Variants in ADAMTSL3 observed in about 807,000 individuals in gnomAD.
The protein encoded by ADAMTSL3 is ADAMTS-like protein 3.
Under a neutral mutation model 201.7 loss-of-function variants are expected in ADAMTSL3, and 128 were observed. That is an observed-to-expected ratio of 0.63 (90% CI 0.55 to 0.73). The LOEUF (loss-of-function observed/expected upper bound fraction) is 0.73. Among genes scored for constraint, ADAMTSL3 ranks in the 30% least tolerant of loss-of-function variants. The probability of loss-of-function intolerance (pLI) is 0.00; values close to 1 mark genes in which losing one functional copy is unlikely to be tolerated. For missense variants in ADAMTSL3, 1,990 were observed against 2,119.6 expected (o/e 0.94, Z 1.20); for synonymous variants, 738 against 748.4 (o/e 0.99, Z 0.23).
At chr15:83,717,896 A>G (rs1387535006) in intron 3 of ADAMTSL3, among the ~76,000 whole-genome samples, 4 of 152,186 alleles carry the variant, frequency 2.6e-5, no homozygotes, top group African/African-American at 7.2e-5. Flanking sequence ...TGCTGTTATG[A>G]GACTGCTGTG....
intron 19 of ADAMTSL3, among the ~76,000 whole-genome samples, chr15:83,949,046 G>T (rs563705780): frequency 6.6e-6 from 1 of 152,008 alleles, no homozygotes; most frequent in Non-Finnish European, 1.5e-5. Context: ...TTTTAAAAAT[G>T]CAATTGAATT....
intron 20 of ADAMTSL3, among the ~76,000 whole-genome samples, chr15:83,973,819 A>G (rs1410766970): frequency 6.6e-6 from 1 of 152,222 alleles, no homozygotes; most frequent in African/African-American, 2.4e-5. Context: ...GGGTCCGTAG[A>G]CAAGAAAATC....
At chr15:83,814,200 T>C (rs1329102942) in intron 5 of ADAMTSL3, among the ~76,000 whole-genome samples, 1 of 152,166 alleles carries the variant, frequency 6.6e-6, no homozygotes, top group Admixed American at 6.5e-5. Flanking sequence ...TCAGTATTTC[T>C]CTTGAAGGTG....
At chr15:83,677,114 A>G (rs1005914741) in intron 2 of ADAMTSL3, among the ~76,000 whole-genome samples, 2 of 152,140 alleles carry the variant, frequency 1.3e-5, no homozygotes, top group African/African-American at 4.8e-5. Context: ...TTCTAGTTTT[A>G]TTCCATTGTG....
intron 17 of ADAMTSL3, among the ~76,000 whole-genome samples, chr15:83,942,317 T>C (rs2066575535): frequency 6.6e-6 from 1 of 152,240 alleles, no homozygotes; most frequent in Admixed American, 6.5e-5. Flanking sequence ...ATTTTTGATA[T>C]ATAGTGGTAG....
intron 3 of ADAMTSL3, among the ~76,000 whole-genome samples, chr15:83,764,055 G>C (rs1484607133): frequency 1.3e-5 from 2 of 152,210 alleles, no homozygotes; most frequent in Non-Finnish European, 2.9e-5. Context: ...AGAAGCCTGG[G>C]AGTCATCCTA....
At position 83,872,903 on chromosome 15, in the gene ADAMTSL3, A is replaced by T. The variant is rs969619856; in HGVS notation, c.960+1944A>T. 5.5e-5 allele frequency among the ~76,000 whole-genome samples: 8 copies of T among 145,930 alleles called. 2 individuals carry two copies. The highest frequency in any genetic ancestry group is 2.1e-4 in the African/African-American group (8 of 38,244). On this transcript the variant is annotated intron_variant, in intron 9 of 29. Coordinates refer to ENST00000286744, the MANE Select transcript of ADAMTSL3 (RefSeq NM_207517.3). Reference sequence around the variant, plus strand: ...CACGTATATGTATATGTATATTTTTAAAAATAATTTGGAAGGATACATTTC... The same window carrying T: ...CACGTATATGTATATGTATATTTTTTAAAATAATTTGGAAGGATACATTTC...
chr15:83,761,241 A>G (rs534416090), intron 3 of ADAMTSL3, among the ~76,000 whole-genome samples: 4 of 152,080 alleles, frequency 2.6e-5, no homozygotes, highest in South Asian at 2.1e-4. Flanking sequence ...GGACCTTAGG[A>G]TACTTTAAGG....
At chr15:83,867,894 T>C (rs1053065202) in intron 8 of ADAMTSL3, among the ~76,000 whole-genome samples, 1 of 152,220 alleles carries the variant, frequency 6.6e-6, no homozygotes, top group Admixed American at 6.5e-5. Flanking sequence ...TAATTTCTTT[T>C]ACAAATAACT....
chr15:83,728,877 A>G (rs2062222801), intron 3 of ADAMTSL3, among the ~76,000 whole-genome samples: 1 of 151,970 alleles, frequency 6.6e-6, no homozygotes, highest in Non-Finnish European at 1.5e-5. Flanking sequence ...CTTATTTCTC[A>G]TTAAAGTCTT....
At chr15:84,037,583 A>T in intron 29 of ADAMTSL3, 117 bp from the exon 30 acceptor site, 2 of 1,181,762 alleles carry the variant, frequency 1.7e-6, no homozygotes, top group Non-Finnish European at 2.3e-6. Context: ...CCTAACCCAA[A>T]GCTGGTTTCT....
At chr15:83,998,028 G>T (rs975300871) in intron 23 of ADAMTSL3, among the ~76,000 whole-genome samples, 2 of 130,702 alleles carry the variant, frequency 1.5e-5, no homozygotes, top group African/African-American at 5.7e-5. Flanking sequence ...AATCTAGGAA[G>T]AAAAAAAAAA....
chr15:83,968,527 G>C (rs554827270), intron 19 of ADAMTSL3, among the ~76,000 whole-genome samples: 20 of 152,240 alleles, frequency 1.3e-4, no homozygotes, highest in Non-Finnish European at 2.5e-4. Context: ...TGCTGGAGAG[G>C]ATATGGAGAA....
chr15:83,881,657 C>T (rs1328871733), intron 9 of ADAMTSL3, among the ~76,000 whole-genome samples: 2 of 149,952 alleles, frequency 1.3e-5, no homozygotes, highest in African/African-American at 2.5e-5. Flanking sequence ...GAGTTTGAGA[C>T]CAGCCTAGCT....
Position 83,912,522 on chromosome 15 carries a change from A to G in ADAMTSL3, c.1701-570A>G, listed in dbSNP as rs78341684. Among the ~76,000 whole-genome samples, 1,452 of 152,306 alleles carry G rather than the reference A, an allele frequency of 9.5e-3. 24 individuals carry two copies. The highest frequency in any genetic ancestry group is 0.033 in the African/African-American group (1,390 of 41,568). Reference sequence around the variant, plus strand: ...AGAATTAAATGCTTTGTTCAGCAAGATTGTGCAATATTTCTTTTGTTTTGA... The same window carrying G: ...AGAATTAAATGCTTTGTTCAGCAAGGTTGTGCAATATTTCTTTTGTTTTGA... On this transcript the variant is annotated intron_variant, in intron 15 of 29. Transcript: ENST00000286744.
At chr15:83,947,617 T>A (rs1273996042) in intron 19 of ADAMTSL3, among the ~76,000 whole-genome samples, 2 of 152,248 alleles carry the variant, frequency 1.3e-5, no homozygotes, top group African/African-American at 4.8e-5. Context: ...ATGGAACATT[T>A]GATTATTTTG....
chr15:84,008,451 A>C (rs2067937715), intron 23 of ADAMTSL3, among the ~76,000 whole-genome samples: 1 of 152,112 alleles, frequency 6.6e-6, no homozygotes, highest in African/African-American at 2.4e-5. Context: ...CTAGCATTGG[A>C]CAGTTGCTAC....
intron 16 of ADAMTSL3, among the ~76,000 whole-genome samples, chr15:83,914,739 GC>G (rs941344874): frequency 1.3e-5 from 2 of 152,170 alleles, no homozygotes; most frequent in Non-Finnish European, 2.9e-5. Context: ...TGTCTGGGTT[GC>G]CCCCCACACT....
rs71156097 is a variant in ADAMTSL3, at chr15:83,748,649, C to CAAA, written c.190-24853_190-24851dup. Among the ~76,000 whole-genome samples, 456 of 70,368 alleles carry CAAA rather than the reference C, an allele frequency of 6.5e-3. 8 individuals carry two copies. The highest frequency in any genetic ancestry group is 7.6e-3 in the Non-Finnish European group (292 of 38,526). 46.2% of individuals were successfully genotyped at this position (70,368 alleles called of 152,430 possible). The stretch of plus-strand genomic sequence containing the variant: ...TGGGTGACAGAGCAAGACCCTGTCT[C>CAAA]AAAAAAAAAAAAAAAAAAAAAAATA... On this transcript the variant is annotated intron_variant, in intron 3 of 29. Coordinates refer to ENST00000286744, the MANE Select transcript of ADAMTSL3 (RefSeq NM_207517.3).
Sources: gnomAD v4.1 joint callset for allele counts (sites outside exome capture counted in the v4.1 genomes callset) on GRCh38, gnomAD v4.1.1 for gene constraint, MANE v1.5 for transcripts, NCBI Gene and HGNC (gene_info 2026-07-23, HGNC 2026-07-21) for gene names.